The following TENM4 variants were observed in gnomAD, a reference collection of about 807,000 sequenced individuals.
TENM4 encodes teneurin-4.
Under a neutral mutation model 243.3 loss-of-function variants are expected in TENM4, and 82 were observed. That is an observed-to-expected ratio of 0.34 (90% CI 0.28 to 0.40). TENM4 has a LOEUF of 0.40. Among genes scored for constraint, TENM4 ranks in the 10% least tolerant of loss-of-function variants. The pLI, the probability that TENM4 is intolerant of heterozygous loss-of-function variation, is 1.00. For missense variants in TENM4, 3,138 were observed against 3,673.3 expected, an observed-to-expected ratio of 0.85 and a Z score of 3.77; for synonymous variants, 1,412 against 1,456.3, an observed-to-expected ratio of 0.97 and a Z score of 0.69.
chr11:78,662,072 G>A (rs2135636526), intron 32 of TENM4, among the ~76,000 whole-genome samples: 1 of 152,234 alleles, frequency 6.6e-6, no homozygotes, highest in Admixed American at 6.5e-5. Flanking sequence ...AGAGCTTCAG[G>A]GTCAAAGTCC....
intron 28 of TENM4, among the ~76,000 whole-genome samples, chr11:78,690,181 C>G (rs1287142440): frequency 6.6e-6 from 1 of 152,152 alleles, no homozygotes; most frequent in Non-Finnish European, 1.5e-5. Flanking sequence ...GGTGGACTGC[C>G]TCGCAGAGCT....
At chr11:78,907,340 C>A (rs1412743898) in intron 6 of TENM4, among the ~76,000 whole-genome samples, 1 of 151,832 alleles carries the variant, frequency 6.6e-6, no homozygotes, top group African/African-American at 2.4e-5. Flanking sequence ...AATATGCACC[C>A]TCGTCTTTGG....
At chr11:79,033,087 C>T (rs983155967) in intron 6 of TENM4, among the ~76,000 whole-genome samples, 4 of 152,006 alleles carry the variant, frequency 2.6e-5, no homozygotes, top group African/African-American at 9.7e-5. Flanking sequence ...CATTTTTATC[C>T]CCACTCCTCA....
chr11:78,722,158 G>A (rs1451470268), intron 24 of TENM4, among the ~76,000 whole-genome samples: 1 of 152,084 alleles, frequency 6.6e-6, no homozygotes, highest in Non-Finnish European at 1.5e-5. Context: ...CTACAGGCAG[G>A]TGCCACCACA....
intron 1 of TENM4, among the ~76,000 whole-genome samples, chr11:79,319,424 TTAAATGAACAG>T (rs1341055746): frequency 6.6e-6 from 1 of 152,118 alleles, no homozygotes. Flanking sequence ...AGGGAAGTGT[TTAAATGAACAG>T]CATGCTCCTT....
intron 28 of TENM4, among the ~76,000 whole-genome samples, chr11:78,692,256 T>C (rs11237588): frequency 0.26 from 39,756 of 152,036 alleles, 6,001 homozygotes; most frequent in African/African-American, 0.42. Context: ...TAAAAAGGTC[T>C]CTGGAGCCAG....
intron 6 of TENM4, among the ~76,000 whole-genome samples, chr11:78,986,407 CT>C (rs1857919325): frequency 6.6e-6 from 1 of 152,202 alleles, no homozygotes; most frequent in Admixed American, 6.5e-5. Flanking sequence ...GATGAGGGAA[CT>C]GTAGCTTGGG....
chr11:79,128,238 C>T (rs984562319), intron 4 of TENM4, among the ~76,000 whole-genome samples: 3 of 152,198 alleles, frequency 2.0e-5, no homozygotes, highest in Non-Finnish European at 4.4e-5. Flanking sequence ...GATAACTACT[C>T]TCCTTTTGAG....
At chr11:79,170,275 C>G (rs1863011282) in intron 3 of TENM4, among the ~76,000 whole-genome samples, 1 of 152,154 alleles carries the variant, frequency 6.6e-6, no homozygotes, top group African/African-American at 2.4e-5. Flanking sequence ...GAGCCCAGCA[C>G]TGGACAGCTT....
intron 6 of TENM4, among the ~76,000 whole-genome samples, chr11:79,039,926 C>T (rs1191242095): frequency 6.6e-6 from 1 of 151,892 alleles, no homozygotes; most frequent in South Asian, 2.1e-4. Context: ...CTAATGCTAG[C>T]TTATATTATT....
intron 1 of TENM4, among the ~76,000 whole-genome samples, chr11:79,400,255 T>C (rs1475199778): frequency 6.6e-6 from 1 of 151,940 alleles, no homozygotes; most frequent in African/African-American, 2.4e-5. Context: ...ATTTGCAGCC[T>C]GGAGCCAGAA....
chr11:79,260,334 C>A (rs1396739780), intron 2 of TENM4, among the ~76,000 whole-genome samples: 3 of 152,146 alleles, frequency 2.0e-5, no homozygotes, highest in African/African-American at 7.2e-5. Context: ...CCCCAGGATG[C>A]CTCACCTACA....
At chr11:78,920,472 C>T (rs1169061119) in intron 6 of TENM4, among the ~76,000 whole-genome samples, 2 of 152,150 alleles carry the variant, frequency 1.3e-5, no homozygotes, top group Non-Finnish European at 2.9e-5. Flanking sequence ...CCGCTGAGCC[C>T]GGAGGCAGGA....
chr11:78,796,003 G>T (rs1857153072), intron 15 of TENM4, among the ~76,000 whole-genome samples: 1 of 152,098 alleles, frequency 6.6e-6, no homozygotes, highest in Non-Finnish European at 1.5e-5. Flanking sequence ...CCATGGCTCT[G>T]TTCCACGGAT....
chr11:78,800,541 G>C (rs1257635845), intron 15 of TENM4, among the ~76,000 whole-genome samples: 1 of 152,124 alleles, frequency 6.6e-6, no homozygotes, highest in Non-Finnish European at 1.5e-5. Flanking sequence ...GTTCGCTGTC[G>C]GGTAGTGTGC....
At chr11:78,771,234 A>T (rs1380753270) in intron 17 of TENM4, 96 bp from the exon 18 acceptor site, 1 of 1,459,504 alleles carries the variant, frequency 6.9e-7, no homozygotes, top group Non-Finnish European at 9.3e-7. Context: ...AAATGCCTTC[A>T]TATCCATCAG....
At chr11:78,801,684 C>A (rs1406262312) in intron 15 of TENM4, among the ~76,000 whole-genome samples, 1 of 152,176 alleles carries the variant, frequency 6.6e-6, no homozygotes, top group Admixed American at 6.5e-5. Context: ...AGGGAATAGA[C>A]AGTGTTCCCT....
intron 1 of TENM4, among the ~76,000 whole-genome samples, chr11:79,334,986 A>T (rs1857124553): frequency 6.6e-6 from 1 of 152,204 alleles, no homozygotes; most frequent in Non-Finnish European, 1.5e-5. Flanking sequence ...CGCCACCTTC[A>T]AAACTTATAT....
At chr11:79,318,695 A>C (rs1405260613) in intron 1 of TENM4, among the ~76,000 whole-genome samples, 1 of 152,180 alleles carries the variant, frequency 6.6e-6, no homozygotes, top group Non-Finnish European at 1.5e-5. Flanking sequence ...AATAACCAGA[A>C]ACTGGTGAGT....
Sources: allele counts gnomAD v4.1 joint callset (sites outside exome capture counted in the v4.1 genomes callset), GRCh38; gene constraint gnomAD v4.1.1; transcripts MANE v1.5; gene names NCBI Gene and HGNC (gene_info 2026-07-23, HGNC 2026-07-21).